Variants in CDH8 observed in about 807,000 individuals in gnomAD.
CDH8 encodes the protein cadherin-8.
In CDH8, 17 loss-of-function variants were observed where a neutral mutation model predicts 68.1. The ratio of observed to expected loss-of-function variants is 0.25; its 90% CI spans 0.17 to 0.37. CDH8 has a LOEUF of 0.37. Among genes scored for constraint, CDH8 ranks in the 10% least tolerant of loss-of-function variants. CDH8 has a pLI of 1.00. For synonymous variants in CDH8, 372 were observed against 365.1 expected (o/e 1.02, Z -0.21); for missense variants, 763 against 999.3 (o/e 0.76, Z 3.19).
At chr16:61,741,021 C>G (rs1959860324) in intron 8 of CDH8, among the ~76,000 whole-genome samples, 2 of 152,228 alleles carry the variant, frequency 1.3e-5, no homozygotes, top group South Asian at 4.1e-4. Flanking sequence ...TACTAAAGAT[C>G]AAGCTGCTGC....
intron 2 of CDH8, among the ~76,000 whole-genome samples, chr16:61,938,263 G>T (rs1009355629): frequency 6.6e-6 from 1 of 152,002 alleles, no homozygotes. Flanking sequence ...ATCCCAAATG[G>T]CATTTCTTTT....
At position 61,994,209 on chromosome 16, in the gene CDH8, C is replaced by T. The variant is rs199746975; in HGVS notation, c.252+26943G>A. ...TTGTGCCATTCACTCTTACCCTTTC[C>T]TCTTGAGATATGTCCTCCAGTGTAA... On this transcript the variant is annotated intron_variant, in intron 2 of 11. Transcript: ENST00000577390. 5.9e-5 allele frequency among the ~76,000 whole-genome samples: 9 copies of T among 152,258 alleles called. No homozygotes were observed. In the East Asian group the frequency reaches 1.4e-3, roughly 23 times the overall value.
intron 8 of CDH8, among the ~76,000 whole-genome samples, chr16:61,762,306 A>C (rs1010290011): frequency 6.6e-6 from 1 of 152,192 alleles, no homozygotes; most frequent in Non-Finnish European, 1.5e-5. Flanking sequence ...TGTACTATAT[A>C]GTTTTGTAAG....
At chr16:61,750,300 A>C (rs1355222266) in intron 8 of CDH8, among the ~76,000 whole-genome samples, 3 of 152,228 alleles carry the variant, frequency 2.0e-5, no homozygotes, top group African/African-American at 7.2e-5. Flanking sequence ...GTTTCTGACC[A>C]CTGCAAGTAA....
chr16:61,788,890 AAAAT>A (rs1392213471), intron 8 of CDH8, among the ~76,000 whole-genome samples: 2 of 152,042 alleles, frequency 1.3e-5, no homozygotes, highest in African/African-American at 4.8e-5. Context: ...TCTCCTACCC[AAAAT>A]AATACATATT....
chr16:61,746,163 T>C (rs2142935683), intron 8 of CDH8, among the ~76,000 whole-genome samples: 1 of 152,222 alleles, frequency 6.6e-6, no homozygotes, highest in Middle Eastern at 3.4e-3. Flanking sequence ...TGTTAAGATG[T>C]GGCCAATTCA....
chr16:61,959,976 G>A (rs565853417), intron 2 of CDH8, among the ~76,000 whole-genome samples: 13,787 of 53,138 alleles, frequency 0.26, 1,896 homozygotes, highest in African/African-American at 0.37. Context: ...GTGTATGTGT[G>A]TGTGTGTGTA....
intron 1 of CDH8, 61 bp downstream of exon 1, chr16:62,036,019 C>G (rs937349098): frequency 6.6e-6 from 1 of 152,310 alleles, no homozygotes; most frequent in Admixed American, 6.5e-5. Flanking sequence ...CTATAAGAAA[C>G]GGTCCCTTCT....
rs184732948 is a variant in CDH8, at chr16:61,951,616, G to A, written c.253-50143C>T. Among the ~76,000 whole-genome samples, 183 of 151,840 alleles carry A rather than the reference G, an allele frequency of 1.2e-3. 2 individuals are homozygous for A. In the Middle Eastern group the frequency reaches 0.024, roughly 20 times the overall value. On this transcript the variant is annotated intron_variant, in intron 2 of 11. Coordinates refer to ENST00000577390, the MANE Select transcript of CDH8 (RefSeq NM_001796.5). Reference sequence around the variant, plus strand: ...AACTGTCCTAGGTTATTCAACTAGCGTGAAAATACTGGGATTCCTTTTTTT... The same window carrying A: ...AACTGTCCTAGGTTATTCAACTAGCATGAAAATACTGGGATTCCTTTTTTT...
chr16:61,877,467 T>G (rs1963482215), intron 3 of CDH8, among the ~76,000 whole-genome samples: 1 of 152,172 alleles, frequency 6.6e-6, no homozygotes, highest in Non-Finnish European at 1.5e-5. Flanking sequence ...ACTTTAGAAT[T>G]TCCACATATT....
intron 2 of CDH8, among the ~76,000 whole-genome samples, chr16:61,992,122 G>A (rs1965735466): frequency 8.9e-6 from 1 of 112,416 alleles, no homozygotes; most frequent in Admixed American, 1.0e-4. Context: ...AAAAGGAAAT[G>A]TACTCTTTTT....
At position 62,021,394 on chromosome 16, in the gene CDH8, G is replaced by A; in HGVS notation, c.10C>T (p.Arg4Trp). 6.2e-7 allele frequency: 1 copy of A among 1,609,122 alleles called. No individual in the cohort carries two copies. The highest frequency in any genetic ancestry group is 8.5e-7 in the Non-Finnish European group (1 of 1,176,424). Reference protein sequence around the residue: MPERLAEMLLDLWT... With the variant: MPEWLAEMLLDLWT... ...AGATCCAAGAGCATTTCCGCTAGCCGTTCTGGCATGGTCCCACCAGTTAAG... is the reference window on the plus strand; with the variant it reads ...AGATCCAAGAGCATTTCCGCTAGCCATTCTGGCATGGTCCCACCAGTTAAG... Residue 4 changes from arginine to tryptophan, a missense_variant, in exon 2 of 12, where the codon CGG becomes TGG. This residue lies in a region of CDH8 where 366 missense variants were observed against 563.1 expected (regional missense o/e 0.65). Coordinates refer to ENST00000577390, the MANE Select transcript of CDH8 (RefSeq NM_001796.5).
intron 8 of CDH8, among the ~76,000 whole-genome samples, chr16:61,739,510 T>C (rs1225308611): frequency 6.6e-6 from 1 of 151,810 alleles, no homozygotes; most frequent in African/African-American, 2.4e-5. Flanking sequence ...TTTCAGGGTA[T>C]ATATGGGTTG....
rs920546642 is a variant in CDH8 at position 61,695,359 on chromosome 16, C to T, written c.1654+18482G>A. Among the ~76,000 whole-genome samples the T allele has an allele frequency of 2.2e-4, 33 of 152,212 alleles. 1 individual carries two copies. The highest frequency in any genetic ancestry group is 7.0e-4 in the African/African-American group (29 of 41,524). ...AGCTGAATATTTACTTAACACATTG[C>T]CATAGCCTGTCTTGAAGATTGGGTA... is the stretch of plus-strand genomic sequence containing the variant. On this transcript the variant is annotated intron_variant, in intron 10 of 11. Coordinates refer to ENST00000577390, the MANE Select transcript of CDH8 (RefSeq NM_001796.5).
intron 2 of CDH8, among the ~76,000 whole-genome samples, chr16:62,019,883 C>T (rs1902030230): frequency 6.6e-6 from 1 of 152,140 alleles, no homozygotes; most frequent in South Asian, 2.1e-4. Flanking sequence ...AGACAATAAA[C>T]ACTCAGTATT....
rs983070348 is a variant in CDH8 at position 61,826,859 on chromosome 16, G to A, written c.668-1680C>T. Among the ~76,000 whole-genome samples the A allele has an allele frequency of 2.0e-5, 3 of 151,760 alleles. No individual in the cohort carries two copies. The South Asian group carries it at 6.2e-4, about 32-fold the overall frequency. On this transcript the variant is annotated intron_variant, in intron 4 of 11. Coordinates refer to ENST00000577390, the MANE Select transcript of CDH8 (RefSeq NM_001796.5). ...TTTAATAATAGGGCTTCCCATTCAG[G>A]GAGCACTGAATTAGATAACCTTGCT...
chr16:61,793,687 T>C (rs1490846169), intron 7 of CDH8, among the ~76,000 whole-genome samples: 2 of 152,040 alleles, frequency 1.3e-5, no homozygotes, highest in African/African-American at 4.8e-5. Context: ...ATGTCTTTGG[T>C]ATTGTGAATA....
intron 4 of CDH8, among the ~76,000 whole-genome samples, chr16:61,851,635 T>C (rs1962939591): frequency 6.6e-6 from 1 of 151,390 alleles, no homozygotes; most frequent in Non-Finnish European, 1.5e-5. Flanking sequence ...ACATATGGTA[T>C]TGGGGGTGGC....
chr16:61,822,817 C>T (rs7187559), intron 5 of CDH8, among the ~76,000 whole-genome samples: 4,770 of 151,898 alleles, frequency 0.031, 242 homozygotes, highest in African/African-American at 0.11. Flanking sequence ...GGGGCCGCGC[C>T]GTGCTGCTAG....
Sources: allele counts gnomAD v4.1 joint callset (sites outside exome capture counted in the v4.1 genomes callset), GRCh38; gene constraint gnomAD v4.1.1; regional missense constraint gnomAD v4.1.1; transcripts MANE v1.5; gene names NCBI Gene and HGNC (gene_info 2026-07-23, HGNC 2026-07-21).